Variants in NCS1 observed in about 807,000 individuals in gnomAD.
NCS1 encodes frequenin homolog.
Under a neutral mutation model 28.4 loss-of-function variants are expected in NCS1, and 6 were observed. The ratio of observed to expected loss-of-function variants is 0.21; its 90% confidence interval spans 0.12 to 0.42. NCS1 has a LOEUF of 0.42. NCS1 is among the 10% of genes least tolerant of loss of function. The probability of loss-of-function intolerance (pLI) is 1.00; values close to 1 mark genes in which losing one functional copy is unlikely to be tolerated. For missense variants in NCS1, 131 were observed against 241.4 expected, an observed-to-expected ratio of 0.54 and a Z score of 3.03; for synonymous variants, 86 against 99.3, an observed-to-expected ratio of 0.87 and a Z score of 0.79.
intron 2 of NCS1, among the ~76,000 whole-genome samples, chr9:130,212,318 G>A (rs1392590585): frequency 1.3e-5 from 2 of 151,946 alleles, no homozygotes; most frequent in African/African-American, 4.8e-5. Context: ...TGCCCCCGAG[G>A]GGATATTTGG....
rs1301972746 is a variant in NCS1 at position 130,236,833 on chromosome 9, C to G, written c.*3861C>G. 1 of 152,140 alleles carries G rather than the reference C, an allele frequency of 6.6e-6. No homozygotes were observed. Among genetic ancestry groups the G allele is most frequent in the Non-Finnish European group, 1.5e-5 (1 of 68,034 alleles). 9.4% of individuals were successfully genotyped at this position (152,140 alleles called of 1,614,324 possible). On this transcript the variant is annotated 3_prime_UTR_variant, in exon 8 of 8. Transcript: ENST00000372398. ...GCTTCCTTCAGGACTTTGCGCAAGT[C>G]AGTTCTGCTCATTGGGTCTCAATTT...
intron 1 of NCS1, among the ~76,000 whole-genome samples, chr9:130,199,253 C>G (rs962584501): frequency 1.3e-5 from 2 of 152,128 alleles, no homozygotes; most frequent in Middle Eastern, 3.2e-3. Flanking sequence ...GCCACCATGC[C>G]TGGCTAATTT....
intron 7 of NCS1, among the ~76,000 whole-genome samples, chr9:130,229,412 G>A (rs541049344): frequency 8.6e-5 from 13 of 151,880 alleles, no homozygotes; most frequent in Non-Finnish European, 1.5e-4. Context: ...TTGCCACCAC[G>A]CCCGGCTAAT....
chr9:130,176,931 C>T (rs1832580343), intron 1 of NCS1, among the ~76,000 whole-genome samples: 2 of 152,220 alleles, frequency 1.3e-5, no homozygotes, highest in South Asian at 2.1e-4. Flanking sequence ...CCAAGAGGCA[C>T]AACCTCTGCC....
intron 1 of NCS1, among the ~76,000 whole-genome samples, chr9:130,185,835 C>A (rs1347556784): frequency 2.0e-5 from 3 of 152,270 alleles, no homozygotes; most frequent in Admixed American, 2.0e-4. Flanking sequence ...CCCACACAGC[C>A]TTGCCGGGCC....
intron 4 of NCS1, among the ~76,000 whole-genome samples, chr9:130,221,405 TATATATATAGAGAGAGAG>T (rs1261177213): frequency 9.2e-3 from 386 of 41,738 alleles, no homozygotes; most frequent in African/African-American, 0.034. Flanking sequence ...TATATATATA[TATATATATAGAGAGAGAG>T]AGAGAGAGAG....
chr9:130,212,612 C>T (rs1342767015), intron 2 of NCS1, among the ~76,000 whole-genome samples: 6 of 151,336 alleles, frequency 4.0e-5, no homozygotes, highest in African/African-American at 1.5e-4. Flanking sequence ...GGCACAGGCC[C>T]GTGTCCCAGC....
chr9:130,218,063 C>T (rs1833213394), intron 3 of NCS1, 93 bp downstream of exon 3: 1 of 1,530,866 alleles, frequency 6.5e-7, no homozygotes, highest in African/African-American at 1.4e-5. Flanking sequence ...GCCGATGTTC[C>T]CTTCTAGAGA....
chr9:130,223,718 G>C (rs942041511), intron 6 of NCS1, among the ~76,000 whole-genome samples: 1 of 152,056 alleles, frequency 6.6e-6, no homozygotes, highest in East Asian at 1.9e-4. Flanking sequence ...GTTGGGGACC[G>C]TCGCCTAGGT....
chr9:130,202,112 C>T (rs1351243180), intron 2 of NCS1, among the ~76,000 whole-genome samples: 2 of 152,224 alleles, frequency 1.3e-5, no homozygotes, highest in African/African-American at 4.8e-5. Context: ...CCACCCTCCC[C>T]AGACCTCAGG....
Position 130,200,295 on chromosome 9 carries a change from A to G in NCS1, c.65-663A>G, listed in dbSNP as rs1564707381. On this transcript the variant is annotated intron_variant, in intron 1 of 7. Coordinates refer to ENST00000372398, the MANE Select transcript of NCS1 (RefSeq NM_014286.4). ...GAAACGATTCTGTACTTTTCAGAAA[A>G]AGCATTTTTGTTTGTTTCATGGCTC... The G allele has an allele frequency of 1.7e-5, 8 of 459,320 alleles. No individual in the cohort carries two copies. The East Asian group carries it at 2.9e-4, about 17-fold the overall frequency. 28.5% of individuals were successfully genotyped at this position (459,320 alleles called of 1,614,324 possible).
At position 130,219,712 on chromosome 9, in the gene NCS1, T is replaced by G; in HGVS notation, c.229-13T>G. 1 of 1,614,016 alleles carries G rather than the reference T, an allele frequency of 6.2e-7. No individual in the cohort carries two copies. The highest frequency in any genetic ancestry group is 8.5e-7 in the Non-Finnish European group (1 of 1,179,908). On this transcript the variant is annotated splice_polypyrimidine_tract_variant and intron_variant, in intron 3 of 7. Coordinates refer to ENST00000372398, the MANE Select transcript of NCS1 (RefSeq NM_014286.4). This position sits in a 1 kb window ranked among gnomAD's most constrained non-coding sequence, Gnocchi z 5.7. Reference sequence around the variant, plus strand: ...CGGCACTGACTGAGGCAATCCCCTCTCTCTCCTGTCAGGACGGGCGAATTG... The same window carrying G: ...CGGCACTGACTGAGGCAATCCCCTCGCTCTCCTGTCAGGACGGGCGAATTG...
In NCS1 at chr9:130,180,721, T is replaced by C. The variant is rs552039540; in HGVS notation, c.64+7994T>C. Among the ~76,000 whole-genome samples, 1 of 152,270 alleles carries C rather than the reference T, an allele frequency of 6.6e-6. No homozygotes were observed. Among genetic ancestry groups the C allele is most frequent in the Non-Finnish European group, 1.5e-5 (1 of 68,022 alleles). ...TGCACAGGGATCTGCACGTAGTAGG[T>C]GCTCAGTAAATGCTCTCCCAGGAAG... On this transcript the variant is annotated intron_variant, in intron 1 of 7. Transcript: ENST00000372398. The surrounding 1 kb of genome is among the most constrained non-coding windows in gnomAD (Gnocchi z 4.5).
In NCS1 at chr9:130,236,718, C is replaced by T. The variant is rs1310223352; in HGVS notation, c.*3746C>T. The T allele has an allele frequency of 3.3e-5, 5 of 152,446 alleles. No individual in the cohort carries two copies. Among genetic ancestry groups the T allele is most frequent in the African/African-American group, 9.7e-5 (4 of 41,436 alleles). The allele number at this position is 152,446 out of a possible 1,614,324, so 9.4% of individuals were successfully genotyped here. On this transcript the variant is annotated 3_prime_UTR_variant, in exon 8 of 8. Coordinates refer to ENST00000372398, the MANE Select transcript of NCS1 (RefSeq NM_014286.4). The stretch of plus-strand genomic sequence containing the variant: ...ATGGGGTAGCCCCGAGTCGCCCTCC[C>T]CAGTCTGCACATTCCCTGTTGTCCC...
chr9:130,229,979 A>G (rs1225330096), intron 7 of NCS1, among the ~76,000 whole-genome samples: 1 of 152,220 alleles, frequency 6.6e-6, no homozygotes, highest in East Asian at 1.9e-4. Context: ...GCTCCATCAC[A>G]TGGCTGGGCC....
At chr9:130,196,245 G>A (rs1645004207) in intron 1 of NCS1, among the ~76,000 whole-genome samples, 1 of 152,218 alleles carries the variant, frequency 6.6e-6, no homozygotes, top group South Asian at 2.1e-4. Context: ...GGGTGAAGAG[G>A]ACAAACATTT....
intron 4 of NCS1, among the ~76,000 whole-genome samples, chr9:130,221,447 G>GAGAGAA (rs1833300924): frequency 1.6e-4 from 23 of 140,334 alleles, no homozygotes; most frequent in Non-Finnish European, 2.9e-4. Context: ...GAGAGAGAGA[G>GAGAGAA]AGAGAAAGAG....
At chr9:130,216,363 C>T (rs192850779) in intron 2 of NCS1, among the ~76,000 whole-genome samples, 56 of 152,248 alleles carry the variant, frequency 3.7e-4, no homozygotes, top group African/African-American at 1.2e-3. Context: ...AGCTGTAGTC[C>T]GGGCTTCGAG....
chr9:130,208,575 C>G (rs532999290), intron 2 of NCS1, among the ~76,000 whole-genome samples: 2 of 152,144 alleles, frequency 1.3e-5, no homozygotes, highest in Non-Finnish European at 2.9e-5. Context: ...GCGCCTGACT[C>G]TACAATGGGT....
Sources: allele counts gnomAD v4.1 joint callset (sites outside exome capture counted in the v4.1 genomes callset), GRCh38; gene constraint gnomAD v4.1.1; non-coding constraint Gnocchi (gnomAD v3.1); transcripts MANE v1.5; gene names NCBI Gene and HGNC (gene_info 2026-07-23, HGNC 2026-07-21).